The following PRKAR1A variants were observed in gnomAD, a reference collection of about 807,000 sequenced individuals.
PRKAR1A encodes protein kinase cAMP-dependent type I regulatory subunit alpha, also known as cAMP-dependent protein kinase type I-alpha regulatory subunit.
A neutral mutation model predicts 52.0 loss-of-function variants in PRKAR1A; 3 were observed. The observed-to-expected ratio is 0.06, with a 90% CI of 0.03 to 0.15. The LOEUF (loss-of-function observed/expected upper bound fraction) is 0.15, where lower values mean the gene tolerates loss of function less well. Ranked by LOEUF, PRKAR1A falls within the 10% of genes least tolerant of loss-of-function variation. PRKAR1A has a pLI of 1.00. For synonymous variants in PRKAR1A, 188 were observed against 168.4 expected (o/e 1.12, Z -0.90); for missense variants, 240 against 477.4 (o/e 0.50, Z 4.63).
chr17:68,506,643 C>G, the PRKAR1A span, among the ~76,000 whole-genome samples: 2 of 152,076 alleles, frequency 1.3e-5, no homozygotes, highest in East Asian at 3.9e-4. Context: ...ACCACCACAC[C>G]CGGCTAATTT....
At chr17:68,476,893 C>A in the PRKAR1A span, among the ~76,000 whole-genome samples, 1 of 152,020 alleles carries the variant, frequency 6.6e-6, no homozygotes, top group African/African-American at 2.4e-5. Context: ...ATCTCTTGAT[C>A]TTGTGATCCG....
In PRKAR1A at chr17:68,540,609, G is replaced by A. The variant is rs143450080; in HGVS notation, c.974-10475G>A. On this transcript the variant is annotated intron_variant, in intron 11 of 11. Coordinates refer to the PRKAR1A transcript ENST00000585981. Reference sequence around the variant, plus strand: ...TCCAATCTGACGCCCACTCAGGCCCGTGGCAGGGTGAGATGCCTGCCTTAT... The same window carrying A: ...TCCAATCTGACGCCCACTCAGGCCCATGGCAGGGTGAGATGCCTGCCTTAT... The A allele has an allele frequency of 3.8e-4, 230 of 609,804 alleles. 1 individual carries two copies. The highest frequency in any genetic ancestry group is 3.1e-3 in the African/African-American group (173 of 55,280). The allele number at this position is 609,804 out of a possible 1,614,324, so 37.8% of individuals were successfully genotyped here. A position where few individuals can be genotyped will look rare whatever the true frequency, so the allele number is the denominator to read the frequency against.
chr17:68,451,000 C>T, the PRKAR1A span: 2 of 1,454,186 alleles, frequency 1.4e-6, no homozygotes, highest in Non-Finnish European at 9.1e-7. Flanking sequence ...TCCAAAGGTT[C>T]TCCGGGTCTT....
At chr17:68,433,575 C>A in the PRKAR1A span, 1 of 1,613,140 alleles carries the variant, frequency 6.2e-7, no homozygotes, top group East Asian at 2.2e-5. Flanking sequence ...TTGTCACATA[C>A]CTACAAGCAC....
chr17:68,499,367 A>AG, the PRKAR1A span, among the ~76,000 whole-genome samples: 3 of 131,632 alleles, frequency 2.3e-5, no homozygotes, highest in South Asian at 2.5e-4. Context: ...GAAGGGAGGA[A>AG]AAGAGAGAGA....
chr17:68,536,084 A>C (rs564899889), downstream of PRKAR1A: 39 of 454,132 alleles, frequency 8.6e-5, no homozygotes, highest in African/African-American at 7.2e-4. Flanking sequence ...TTAGAGAGAC[A>C]CAAAGTCCAG....
chr17:68,436,702 C>T, the PRKAR1A span, among the ~76,000 whole-genome samples: 1 of 152,308 alleles, frequency 6.6e-6, no homozygotes, highest in Middle Eastern at 3.4e-3. Context: ...TGCGTCCTTG[C>T]TACAGTGAAA....
chr17:68,489,401 AGT>A, the PRKAR1A span, among the ~76,000 whole-genome samples: 1 of 8,702 alleles, frequency 1.1e-4, no homozygotes, highest in Non-Finnish European at 1.9e-4. Flanking sequence ...ATATATGGAA[AGT>A]ATATATATAT....
chr17:68,420,255 A>G, the PRKAR1A span: 10 of 1,613,978 alleles, frequency 6.2e-6, no homozygotes, highest in East Asian at 1.1e-4. Flanking sequence ...CTGATTTTCA[A>G]CCTGGAAGAC....
chr17:68,517,485 C>T lies in PRKAR1A; in HGVS notation c.177+1909C>T, dbSNP rs114034470. 2.4e-3 allele frequency among the ~76,000 whole-genome samples: 368 copies of T among 152,292 alleles called. 1 individual carries two copies. Among genetic ancestry groups the T allele is most frequent in the Non-Finnish European group, 2.7e-3 (183 of 68,020 alleles). On this transcript the variant is annotated intron_variant, in intron 2 of 10. Transcript: ENST00000589228. The stretch of plus-strand genomic sequence containing the variant: ...GAAGGAGAAGCAAACCCATCCTCTT[C>T]ACATGGCAGCAGCAAGGAGAAGTAC...
the PRKAR1A span, among the ~76,000 whole-genome samples, chr17:68,481,231 G>A: frequency 2.0e-5 from 3 of 152,202 alleles, no homozygotes; most frequent in Admixed American, 6.5e-5. Flanking sequence ...ACCAGGGACT[G>A]GTTTTGTGGA....
intron 7 of PRKAR1A, chr17:68,527,628 G>T: frequency 1.9e-6 from 1 of 522,002 alleles, no homozygotes; most frequent in East Asian, 3.3e-5. Context: ...GCATAATATT[G>T]GCGGAAAATA....
At chr17:68,438,696 G>A in the PRKAR1A span, among the ~76,000 whole-genome samples, 1 of 152,224 alleles carries the variant, frequency 6.6e-6, no homozygotes, top group African/African-American at 2.4e-5. Context: ...CGCCTCTTTG[G>A]TTCAAGCGAT....
rs370646764 is a variant in PRKAR1A at position 68,522,737 on chromosome 17, A to G, written c.178-19A>G. 1 of 1,613,122 alleles carries G rather than the reference A, an allele frequency of 6.2e-7. No homozygotes were observed. The highest frequency in any genetic ancestry group is 8.5e-7 in the Non-Finnish European group (1 of 1,179,482). ...ACATGCCGAAGGATCTCATTTTGCA[A>G]ACTCGTAATTTCTTTCAGGAGGAGG... is the stretch of plus-strand genomic sequence containing the variant. On this transcript the variant is annotated intron_variant, in intron 2 of 10. Transcript: ENST00000589228.
the PRKAR1A span, among the ~76,000 whole-genome samples, chr17:68,437,948 T>TAAAA: frequency 2.4e-4 from 19 of 78,798 alleles, no homozygotes; most frequent in African/African-American, 7.1e-4. Flanking sequence ...ACATCTCTCT[T>TAAAA]AAAAAAAAAA....
the PRKAR1A span, among the ~76,000 whole-genome samples, chr17:68,440,150 C>T: frequency 2.0e-5 from 3 of 152,164 alleles, no homozygotes; most frequent in African/African-American, 7.2e-5. Flanking sequence ...ACAGTTTTGC[C>T]TCCAGGCTCG....
At chr17:68,465,212 G>A in the PRKAR1A span, among the ~76,000 whole-genome samples, 1 of 151,956 alleles carries the variant, frequency 6.6e-6, no homozygotes, top group Non-Finnish European at 1.5e-5. Context: ...GATTACAGGC[G>A]TGAGCCACCG....
At chr17:68,469,995 G>A in the PRKAR1A span, among the ~76,000 whole-genome samples, 35 of 152,006 alleles carry the variant, frequency 2.3e-4, no homozygotes, top group African/African-American at 7.5e-4. Flanking sequence ...TGTATTCAAC[G>A]TATCATATCA....
exon 12 of PRKAR1A, chr17:68,551,256 A>C (rs1234665947): frequency 4.3e-6 from 3 of 702,638 alleles, no homozygotes; most frequent in Non-Finnish European, 6.0e-6. Context: ...TATGTTTCAC[A>C]AAATTTTCAA....
Sources: allele counts gnomAD v4.1 joint callset (sites outside exome capture counted in the v4.1 genomes callset), GRCh38; gene constraint gnomAD v4.1.1; transcripts MANE v1.5; gene names NCBI Gene and HGNC (gene_info 2026-07-23, HGNC 2026-07-21).